GABBR1: variants seen among roughly 807,000 people sequenced by gnomAD.
GABBR1 encodes the protein GABA-B receptor, R1 subunit.
GABBR1 carries 35 observed loss-of-function variants against 117.7 expected under a neutral mutation model. That is an observed-to-expected ratio of 0.30 (90% confidence interval 0.23 to 0.39). The LOEUF is 0.39. Ranked by LOEUF, GABBR1 falls within the 10% of genes least tolerant of loss-of-function variation. The pLI, the probability that GABBR1 is intolerant of heterozygous loss-of-function variation, is 1.00. For synonymous variants in GABBR1, 442 were observed against 486.6 expected, an observed-to-expected ratio of 0.91 and a Z score of 1.21; for missense variants, 709 against 1,241.8, an observed-to-expected ratio of 0.57 and a Z score of 6.45.
Position 29,607,283 on chromosome 6 carries a change from G to A in GABBR1, c.1993-65C>T. 7.7e-7 allele frequency: 1 copy of A among 1,300,188 alleles called. No homozygotes were observed. The allele number at this position is 1,300,188 out of a possible 1,614,324, so 80.5% of individuals were successfully genotyped here. A position where few individuals can be genotyped will look rare whatever the true frequency, so the allele number is the denominator to read the frequency against. On this transcript the variant is annotated intron_variant, in intron 16 of 22. Coordinates refer to ENST00000377034, the MANE Select transcript of GABBR1 (RefSeq NM_001470.4). The surrounding 1 kb of genome is among the most constrained non-coding windows in gnomAD (Gnocchi z 5.0). Reference sequence around the variant, plus strand: ...TAGTAGCCGGGACTGCAGTAAGGATGGGCAGAACCCTAAGGGAGAGTGGGC... The same window carrying A: ...TAGTAGCCGGGACTGCAGTAAGGATAGGCAGAACCCTAAGGGAGAGTGGGC...
intron 11 of GABBR1, among the ~76,000 whole-genome samples, chr6:29,616,444 A>G (rs28749530): frequency 0.099 from 14,887 of 150,576 alleles, 846 homozygotes; most frequent in Middle Eastern, 0.21. Flanking sequence ...CCAGCACTTC[A>G]GGAGGCTGAG....
Position 29,608,696 on chromosome 6 carries a change from T to C in GABBR1, c.1897A>G (p.Thr633Ala). 1 of 1,612,950 alleles carries C rather than the reference T, an allele frequency of 6.2e-7. No homozygotes were observed. Among genetic ancestry groups the C allele is most frequent in the Non-Finnish European group, 8.5e-7 (1 of 1,179,960 alleles). The part of the protein sequence containing the change: ...QNSQPNLNNL[T>A]AVGCSLALAA... ...AAAGCCAGTGAGCAGCCCACAGCAGTCAGGTTGTTCAGGTTGGGCTGTGAG... is the reference window on the plus strand; with the variant it reads ...AAAGCCAGTGAGCAGCCCACAGCAGCCAGGTTGTTCAGGTTGGGCTGTGAG... The change falls in exon 16 of 23, where the codon ACT (threonine) becomes GCT (alanine). Residue 633 changes from threonine (T) to alanine (A), a missense_variant. By Grantham distance (58) the Thr-to-Ala change is moderately conservative. Around this residue, in one of 9 missense-constraint regions of GABBR1, gnomAD observed 251 missense variants for 445.3 expected, o/e 0.56. Coordinates refer to ENST00000377034, the MANE Select transcript of GABBR1 (RefSeq NM_001470.4).
chr6:29,622,228 G>A lies in GABBR1; in HGVS notation c.964-23C>T, dbSNP rs770163208. ...AGTCTTGGGTGGGAATAAAAAACAA[G>A]TTGGAAAAACACGGGGTGCATGAGG... On this transcript the variant is annotated intron_variant, in intron 8 of 22. Transcript: ENST00000377034. The surrounding 1 kb of genome is among the most constrained non-coding windows in gnomAD (Gnocchi z 4.6). 2 of 1,561,020 alleles carry A rather than the reference G, an allele frequency of 1.3e-6. No individual in the cohort carries two copies. The highest frequency in any genetic ancestry group is 1.4e-5 in the African/African-American group (1 of 73,952).
rs1764856230 is a variant in GABBR1 at position 29,630,587 on chromosome 6, C to G, written c.346G>C (p.Gly116Arg). 6.2e-7 allele frequency: 1 copy of G among 1,612,926 alleles called. No individual in the cohort carries two copies. Among genetic ancestry groups the G allele is most frequent in the South Asian group, 1.1e-5 (1 of 91,090 alleles). Residue 116 changes from glycine to arginine, a missense_variant, in exon 4 of 23, where the codon GGT becomes CGT. By Grantham distance (125) the Gly-to-Arg change is moderately radical (BLOSUM62 -2). This residue lies in a region of GABBR1 where 101 missense variants were observed against 132.3 expected (regional missense o/e 0.76). Transcript: ENST00000377034. This position sits in a 1 kb window ranked among gnomAD's most constrained non-coding sequence, Gnocchi z 4.9. ...CCGTCCAGAGCTGGGAGGTCCCCAC[C>G]CGTCAGGAAAACCTTCCCATTTTCC... is the stretch of plus-strand genomic sequence containing the variant. ...TLENGKVFLT[G>R]GDLPALDGAR...
Position 29,622,016 on chromosome 6 carries a change from GC to G in GABBR1, c.1065+87del. The G allele has an allele frequency of 8.1e-7, 1 of 1,236,498 alleles. No individual in the cohort carries two copies. The highest frequency in any genetic ancestry group is 1.2e-6 in the Non-Finnish European group (1 of 848,222). The allele number at this position is 1,236,498 out of a possible 1,614,324, so 76.6% of individuals were successfully genotyped here. On this transcript the variant is annotated intron_variant, in intron 9 of 22. Coordinates refer to ENST00000377034, the MANE Select transcript of GABBR1 (RefSeq NM_001470.4). This position sits in a 1 kb window ranked among gnomAD's most constrained non-coding sequence, Gnocchi z 4.6. ...CTATTGCCTCAGAGAATCAAAACCT[GC>G]CCCCGCCTGGCTTTCCTCTCCAACC...
rs533832282 is a variant in GABBR1, at chr6:29,606,545, C to A, written c.2218-61G>T. 11 of 1,121,770 alleles carry A rather than the reference C, an allele frequency of 9.8e-6. No individual in the cohort carries two copies. The highest frequency in any genetic ancestry group is 1.4e-6 in the Non-Finnish European group (1 of 731,726). The allele number at this position is 1,121,770 out of a possible 1,614,324, so 69.5% of individuals were successfully genotyped here. A position where few individuals can be genotyped will look rare whatever the true frequency, so the allele number is the denominator to read the frequency against. On this transcript the variant is annotated intron_variant, in intron 18 of 22. Transcript: ENST00000377034. The surrounding 1 kb of genome is among the most constrained non-coding windows in gnomAD (Gnocchi z 4.5). Reference sequence around the variant, plus strand: ...CCAGCCTCCCCTCCTCTCCTCAACGCTTCTCAGTCTCTGGCTTCCAACTGT... The same window carrying A: ...CCAGCCTCCCCTCCTCTCCTCAACGATTCTCAGTCTCTGGCTTCCAACTGT...
Position 29,605,488 on chromosome 6 carries a change from T to C in GABBR1, c.2439+81A>G. 6.6e-7 allele frequency: 1 copy of C among 1,518,736 alleles called. No homozygotes were observed. Among genetic ancestry groups the C allele is most frequent in the Non-Finnish European group, 9.0e-7 (1 of 1,115,908 alleles). 94.1% of individuals were successfully genotyped at this position (1,518,736 alleles called of 1,614,324 possible). ...ACTTCTAAGCAACCGATCCCAGATC[T>C]AGCATTGATTCTTCCTAGTCCTCTA... On this transcript the variant is annotated intron_variant, in intron 20 of 22. Transcript: ENST00000377034. The surrounding 1 kb of genome is among the most constrained non-coding windows in gnomAD (Gnocchi z 4.2).
Position 29,622,246 on chromosome 6 carries a change from G to T in GABBR1, c.964-41C>A. 1 of 1,343,524 alleles carries T rather than the reference G, an allele frequency of 7.4e-7. No homozygotes were observed. Among genetic ancestry groups the T allele is most frequent in the Non-Finnish European group, 1.1e-6 (1 of 935,440 alleles). The allele number at this position is 1,343,524 out of a possible 1,614,324, so 83.2% of individuals were successfully genotyped here. On this transcript the variant is annotated intron_variant, in intron 8 of 22. Coordinates refer to ENST00000377034, the MANE Select transcript of GABBR1 (RefSeq NM_001470.4). The surrounding 1 kb of genome is among the most constrained non-coding windows in gnomAD (Gnocchi z 4.6). ...AAAACAAGTTGGAAAAACACGGGGTGCATGAGGGAATAAAGACCAGAGAGG... is the reference window on the plus strand; with the variant it reads ...AAAACAAGTTGGAAAAACACGGGGTTCATGAGGGAATAAAGACCAGAGAGG...
At chr6:29,618,250 G>A (rs1763380128) in intron 11 of GABBR1, among the ~76,000 whole-genome samples, 5 of 152,188 alleles carry the variant, frequency 3.3e-5, no homozygotes, top group African/African-American at 7.2e-5. Flanking sequence ...GCACGATGCG[G>A]TCCCCTGCTC....
At chr6:29,610,807 G>T in intron 14 of GABBR1, 117 bp downstream of exon 14, 1 of 849,450 alleles carries the variant, frequency 1.2e-6, no homozygotes. Flanking sequence ...TCCTGGCCCA[G>T]CTGCCAGCCA....
chr6:29,626,039 A>T (rs1344664919), intron 6 of GABBR1, among the ~76,000 whole-genome samples: 1 of 152,332 alleles, frequency 6.6e-6, no homozygotes, highest in Non-Finnish European at 1.5e-5. Context: ...AAAAATACAG[A>T]TAAATACTTG....
intron 6 of GABBR1, among the ~76,000 whole-genome samples, chr6:29,624,847 T>C (rs1295424344): frequency 6.6e-6 from 1 of 151,974 alleles, no homozygotes; most frequent in Non-Finnish European, 1.5e-5. Context: ...GGTCTCCCAC[T>C]GCCTGTTCCC....
intron 13 of GABBR1, among the ~76,000 whole-genome samples, chr6:29,612,309 C>G (rs1053919640): frequency 6.6e-6 from 1 of 152,124 alleles, no homozygotes; most frequent in African/African-American, 2.4e-5. Context: ...AGCCACCACA[C>G]CCAGCCTGCA....
intron 5 of GABBR1, chr6:29,628,153 C>A (rs1320309920): frequency 1.5e-5 from 7 of 459,406 alleles, no homozygotes; most frequent in Non-Finnish European, 1.8e-5. Context: ...GGGAGGGAAG[C>A]GAGCGCCGAG....
chr6:29,611,163 A>T lies in GABBR1; in HGVS notation c.1631-162T>A, dbSNP rs1762500758. The T allele has an allele frequency of 1.7e-6, 1 of 580,200 alleles. No homozygotes were observed. The highest frequency in any genetic ancestry group is 3.1e-6 in the Non-Finnish European group (1 of 326,268). The allele number at this position is 580,200 out of a possible 1,614,324, so 35.9% of individuals were successfully genotyped here. A position where few individuals can be genotyped will look rare whatever the true frequency, so the allele number is the denominator to read the frequency against. ...GAAGGACCTACGAGACTCTTGAATCAGCAACATGACTTAAAAGCAATATAA... is the reference window on the plus strand; with the variant it reads ...GAAGGACCTACGAGACTCTTGAATCTGCAACATGACTTAAAAGCAATATAA... On this transcript the variant is annotated intron_variant, in intron 13 of 22. Coordinates refer to ENST00000377034, the MANE Select transcript of GABBR1 (RefSeq NM_001470.4). This position sits in a 1 kb window ranked among gnomAD's most constrained non-coding sequence, Gnocchi z 4.6.
Position 29,606,691 on chromosome 6 carries a change from TC to T in GABBR1, c.2217+205del. 1 of 631,532 alleles carries T rather than the reference TC, an allele frequency of 1.6e-6. No homozygotes were observed. Among genetic ancestry groups the T allele is most frequent in the Non-Finnish European group, 2.8e-6 (1 of 359,138 alleles). 39.1% of individuals were successfully genotyped at this position (631,532 alleles called of 1,614,324 possible). On this transcript the variant is annotated intron_variant, in intron 18 of 22. Transcript: ENST00000377034. The surrounding 1 kb of genome is among the most constrained non-coding windows in gnomAD (Gnocchi z 4.5). ...GATGCCTGGAAGTTCTACACACCCT[TC>T]CCAGATTCCCACCCCTTCCTTTCTT...
rs573562553 is a variant in GABBR1 at position 29,619,657 on chromosome 6, A to C, written c.1323+1444T>G. Among the ~76,000 whole-genome samples, 192 of 150,860 alleles carry C rather than the reference A, an allele frequency of 1.3e-3. 1 individual carries two copies. Among genetic ancestry groups the C allele is most frequent in the African/African-American group, 3.7e-3 (151 of 41,120 alleles). ...AGGTGTGAGCCACTAGATCCAGCCAAATCCCTGTTTTCTGTCAGCCTCCTC... is the reference window on the plus strand; with the variant it reads ...AGGTGTGAGCCACTAGATCCAGCCACATCCCTGTTTTCTGTCAGCCTCCTC... On this transcript the variant is annotated intron_variant, in intron 11 of 22. Coordinates refer to ENST00000377034, the MANE Select transcript of GABBR1 (RefSeq NM_001470.4).
At chr6:29,628,868 G>A (rs1190641450) in intron 5 of GABBR1, among the ~76,000 whole-genome samples, 3 of 151,674 alleles carry the variant, frequency 2.0e-5, no homozygotes, top group African/African-American at 7.3e-5. Flanking sequence ...GGGAAGTGTA[G>A]CCAAGCAGGG....
At position 29,620,543 on chromosome 6, in the gene GABBR1, C is replaced by A. The variant is rs1457886373; in HGVS notation, c.1323+558G>T. Among the ~76,000 whole-genome samples the A allele has an allele frequency of 6.6e-6, 1 of 152,160 alleles. No homozygotes were observed. The highest frequency in any genetic ancestry group is 2.4e-5 in the African/African-American group (1 of 41,432). On this transcript the variant is annotated intron_variant, in intron 11 of 22. Coordinates refer to ENST00000377034, the MANE Select transcript of GABBR1 (RefSeq NM_001470.4). This position sits in a 1 kb window ranked among gnomAD's most constrained non-coding sequence, Gnocchi z 4.5. ...TCAAATCAGAGAATGCGCCTCCTCGCTCCAAGTCTGTCATTAACCAGCTGT... is the reference window on the plus strand; with the variant it reads ...TCAAATCAGAGAATGCGCCTCCTCGATCCAAGTCTGTCATTAACCAGCTGT...
Sources: gnomAD v4.1 joint callset for allele counts (sites outside exome capture counted in the v4.1 genomes callset) on GRCh38, gnomAD v4.1.1 for gene constraint, gnomAD v4.1.1 regional missense constraint, Gnocchi (gnomAD v3.1) non-coding constraint, MANE v1.5 for transcripts, NCBI Gene and HGNC (gene_info 2026-07-23, HGNC 2026-07-21) for gene names.